The following ABCG5 variants were observed in gnomAD, a reference collection of about 807,000 sequenced individuals.
ABCG5 encodes ATP-binding cassette sub-family G member 5.
Under a neutral mutation model 64.5 loss-of-function variants are expected in ABCG5, and 64 were observed. The observed-to-expected ratio is 0.99, with a 90% CI of 0.81 to 1.22. ABCG5 has a LOEUF of 1.22. Ranked by LOEUF, ABCG5 falls within the 50% of genes most tolerant of loss-of-function variation. The pLI, the probability that ABCG5 is intolerant of heterozygous loss-of-function variation, is 0.00. For synonymous variants in ABCG5, 385 were observed against 326.3 expected, an observed-to-expected ratio of 1.18 and a Z score of -1.94; for missense variants, 908 against 829.5, an observed-to-expected ratio of 1.09 and a Z score of -1.16.
downstream of ABCG5, among the ~76,000 whole-genome samples, chr2:43,808,530 C>T (rs1410409917): frequency 6.6e-6 from 1 of 152,168 alleles, no homozygotes; most frequent in African/African-American, 2.4e-5. Context: ...CATTGAACAA[C>T]ATGTAGGAGG....
Position 43,812,833 on chromosome 2 carries a change from A to C in ABCG5, c.*283T>G. 2.6e-6 allele frequency: 1 copy of C among 380,572 alleles called. No homozygotes were observed. Among genetic ancestry groups the C allele is most frequent in the South Asian group, 3.7e-5 (1 of 26,996 alleles). 23.6% of individuals were successfully genotyped at this position (380,572 alleles called of 1,614,324 possible). A position where few individuals can be genotyped will look rare whatever the true frequency, so the allele number is the denominator to read the frequency against. On this transcript the variant is annotated 3_prime_UTR_variant, in exon 13 of 13. Coordinates refer to ENST00000405322, the MANE Select transcript of ABCG5 (RefSeq NM_022436.3). ...AACAAGGAAAAAAAATAGTCACACGAGTCTCCCATAGGTTTATGAATATTA... is the reference window on the plus strand; with the variant it reads ...AACAAGGAAAAAAAATAGTCACACGCGTCTCCCATAGGTTTATGAATATTA...
At chr2:43,818,634 G>C (rs1666999455) in intron 11 of ABCG5, among the ~76,000 whole-genome samples, 1 of 152,050 alleles carries the variant, frequency 6.6e-6, no homozygotes, top group Non-Finnish European at 1.5e-5. Context: ...CTGTACTCTT[G>C]GTGTGATTTG....
Position 43,831,927 on chromosome 2 carries a change from G to A in ABCG5, c.402+20C>T, listed in dbSNP as rs907940730. On this transcript the variant is annotated intron_variant, in intron 3 of 12. Transcript: ENST00000405322. ...CCCCGGGGCGGGCGGGGGGGCCAGG[G>A]GTGTGGGGGACGCGCCCACCTGCAG... 3.2e-6 allele frequency: 5 copies of A among 1,548,254 alleles called. No individual in the cohort carries two copies. The African/African-American group carries it at 5.5e-5, about 17-fold the overall frequency.
chr2:43,816,636 C>T (rs1183954488), intron 11 of ABCG5, among the ~76,000 whole-genome samples: 2 of 152,148 alleles, frequency 1.3e-5, no homozygotes, highest in East Asian at 3.9e-4. Flanking sequence ...CTCCGCCTCC[C>T]AGGTTCAGGT....
intron 6 of ABCG5, among the ~76,000 whole-genome samples, chr2:43,825,527 T>G (rs1258212719): frequency 4.6e-5 from 7 of 152,212 alleles, no homozygotes; most frequent in African/African-American, 7.2e-5. Flanking sequence ...TGAAGCCAAC[T>G]TGGCTGTGAA....
rs770535982 is a variant in ABCG5, at chr2:43,824,227, A to G, written c.1110T>C (p.Val370=). Reference sequence around the variant, plus strand: ...ATTTGTGAGCCTCTTACCTCAGGAGAACACCCAGTTTAGAGAAAACTCCAG... The same window carrying G: ...ATTTGTGAGCCTCTTACCTCAGGAGGACACCCAGTTTAGAGAAAACTCCAG... ...DSPGVFSKLG[V]LLRRVTRNLV... is the part of the protein sequence containing the mutation. Residue 370 remains valine (V), a synonymous_variant, in exon 8 of 13, where the codon GTT becomes GTC. Coordinates refer to ENST00000405322, the MANE Select transcript of ABCG5 (RefSeq NM_022436.3). 3.7e-6 allele frequency: 6 copies of G among 1,614,210 alleles called. No individual in the cohort carries two copies. In the South Asian group the frequency reaches 4.4e-5, roughly 12 times the overall value.
chr2:43,828,472 C>CAA (rs754944007), intron 4 of ABCG5: 3,244 of 189,084 alleles, frequency 0.017, 6 homozygotes, highest in Middle Eastern at 0.031. Context: ...CCTGTCTCTA[C>CAA]AAAAAAAAAA....
At chr2:43,813,345 T>G (rs778016002) in intron 12 of ABCG5, 36 bp from the exon 13 acceptor site, 3 of 1,451,624 alleles carry the variant, frequency 2.1e-6, no homozygotes, top group Non-Finnish European at 2.9e-6. Context: ...CAGGTGTGGT[T>G]TATCTCAGGT....
intron 5 of ABCG5, 44 bp from the exon 6 acceptor site, chr2:43,826,565 C>G: frequency 6.2e-7 from 1 of 1,613,564 alleles, no homozygotes; most frequent in Non-Finnish European, 8.5e-7. Flanking sequence ...GTGCAGAGCC[C>G]AGGCTCTGTG....
chr2:43,809,747 C>T, downstream of ABCG5: 3 of 1,611,890 alleles, frequency 1.9e-6, no homozygotes, highest in Non-Finnish European at 2.5e-6. Context: ...GTCTTGGAAA[C>T]AAATCGAGCT....
downstream of ABCG5, among the ~76,000 whole-genome samples, chr2:43,811,024 C>T (rs1458467381): frequency 6.6e-5 from 10 of 152,296 alleles, no homozygotes; most frequent in East Asian, 1.9e-3. Context: ...CTTGAAGTCA[C>T]GTGTGATGTC....
Position 43,812,804 on chromosome 2 carries a change from C to A in ABCG5, c.*312G>T. 6.2e-6 allele frequency: 2 copies of A among 322,890 alleles called. No homozygotes were observed. Among genetic ancestry groups the A allele is most frequent in the Non-Finnish European group, 1.2e-5 (2 of 172,854 alleles). 20.0% of individuals were successfully genotyped at this position (322,890 alleles called of 1,614,324 possible). On this transcript the variant is annotated 3_prime_UTR_variant, in exon 13 of 13. Coordinates refer to ENST00000405322, the MANE Select transcript of ABCG5 (RefSeq NM_022436.3). ...TAAGCTGACCTATTTTTTTCTGTGC[C>A]TAGAACAAGGAAAAAAAATAGTCAC... is the stretch of plus-strand genomic sequence containing the variant.
downstream of ABCG5, among the ~76,000 whole-genome samples, chr2:43,807,743 C>CAAAAAA (rs536977133): frequency 3.8e-4 from 16 of 41,620 alleles, no homozygotes; most frequent in African/African-American, 4.3e-4. Context: ...TTTGTTAAAG[C>CAAAAAA]AAAAAAAAAA....
intron 4 of ABCG5, among the ~76,000 whole-genome samples, chr2:43,830,151 G>GA (rs1558760398): frequency 6.6e-6 from 1 of 152,124 alleles, no homozygotes; most frequent in East Asian, 1.9e-4. Context: ...GATGGACAGA[G>GA]AAGACATTTA....
chr2:43,808,475 C>G (rs149432342), downstream of ABCG5, among the ~76,000 whole-genome samples: 2 of 152,226 alleles, frequency 1.3e-5, no homozygotes, highest in East Asian at 3.9e-4. Context: ...GCAGAGTAAC[C>G]ACGTTTTATT....
chr2:43,821,960 C>G (rs185896886), intron 10 of ABCG5, among the ~76,000 whole-genome samples: 4 of 152,252 alleles, frequency 2.6e-5, no homozygotes, highest in African/African-American at 9.6e-5. Flanking sequence ...ATTCCCCTAT[C>G]CCTACCTTGG....
chr2:43,826,269 G>A (rs1421316893), intron 6 of ABCG5, 113 bp downstream of exon 6: 1 of 1,521,466 alleles, frequency 6.6e-7, no homozygotes, highest in Non-Finnish European at 9.0e-7. Context: ...CAAAGTGCTG[G>A]AATTACAAGT....
In ABCG5 at chr2:43,824,255, G is replaced by C. The variant is rs776365033; in HGVS notation, c.1082C>G (p.Ser361Cys). 1.6e-5 allele frequency: 26 copies of C among 1,614,088 alleles called. No homozygotes were observed. Among genetic ancestry groups the C allele is most frequent in the Non-Finnish European group, 2.1e-5 (25 of 1,180,050 alleles). ...ACCCAGTTTAGAGAAAACTCCAGGAGAATCTTTGGTTTTGAAAGGAACCAT... is the reference window on the plus strand; with the variant it reads ...ACCCAGTTTAGAGAAAACTCCAGGACAATCTTTGGTTTTGAAAGGAACCAT... ...LPMVPFKTKD[S>C]PGVFSKLGVL... Residue 361 changes from serine (S) to cysteine (C), a missense_variant, in exon 8 of 13, where the codon TCT becomes TGT. Transcript: ENST00000405322.
rs200647467 is a variant in ABCG5 at position 43,813,698 on chromosome 2, T to G, written c.1763-389A>C. ...TGTTTTTTTTTTGTTTTTTTTGGGG[T>G]TTTTTTTTTCGTTTTTTTTTTTTTT... is the stretch of plus-strand genomic sequence containing the variant. On this transcript the variant is annotated intron_variant, in intron 12 of 12. Coordinates refer to ENST00000405322, the MANE Select transcript of ABCG5 (RefSeq NM_022436.3). Among the ~76,000 whole-genome samples the G allele has an allele frequency of 1.1e-3, 141 of 129,176 alleles. 1 individual carries two copies. Among genetic ancestry groups the G allele is most frequent in the South Asian group, 5.2e-3 (21 of 4,020 alleles). 84.7% of individuals were successfully genotyped at this position (129,176 alleles called of 152,430 possible). A position where few individuals can be genotyped will look rare whatever the true frequency, so the allele number is the denominator to read the frequency against.
Sources: allele counts gnomAD v4.1 joint callset (sites outside exome capture counted in the v4.1 genomes callset), GRCh38; gene constraint gnomAD v4.1.1; transcripts MANE v1.5; gene names NCBI Gene and HGNC (gene_info 2026-07-23, HGNC 2026-07-21).